The following MNS1 variants were observed in gnomAD, a reference collection of about 807,000 sequenced individuals.
MNS1 encodes the protein meiosis specific nuclear structural 1.
MNS1 carries 63 observed loss-of-function variants against 72.0 expected under a neutral mutation model. The observed-to-expected ratio is 0.87, with a 90% CI of 0.71 to 1.08. MNS1 has a LOEUF of 1.08. Ranked by LOEUF, MNS1 falls within the 50% of genes least tolerant of loss-of-function variation. The pLI is 0.00. For missense variants in MNS1, 604 were observed against 562.4 expected (o/e 1.07, Z -0.75); for synonymous variants, 188 against 172.1 (o/e 1.09, Z -0.72).
chr15:56,460,580 G>A (rs2051013858), intron 2 of MNS1, among the ~76,000 whole-genome samples: 1 of 152,110 alleles, frequency 6.6e-6, no homozygotes. Context: ...AAGATGTTAA[G>A]AAGTAGTCAG....
At chr15:56,449,500 T>C (rs1445078485) in intron 3 of MNS1, among the ~76,000 whole-genome samples, 1 of 152,236 alleles carries the variant, frequency 6.6e-6, no homozygotes, top group Admixed American at 6.5e-5. Flanking sequence ...GGATTTCGTA[T>C]TGACTAATAT....
At chr15:56,431,288 AC>A (rs2050587608) in intron 9 of MNS1, 84 bp downstream of exon 9, 16 of 1,518,136 alleles carry the variant, frequency 1.1e-5, no homozygotes, top group Non-Finnish European at 1.3e-5. Flanking sequence ...AGTGAGCAAA[AC>A]CAAGGCACTC....
At chr15:56,462,570 T>C (rs1158839581) in intron 2 of MNS1, among the ~76,000 whole-genome samples, 4 of 152,224 alleles carry the variant, frequency 2.6e-5, no homozygotes, top group Non-Finnish European at 5.9e-5. Context: ...GAATGTGGGC[T>C]ACTGGATAAA....
rs137897472 is a variant in MNS1, at chr15:56,443,790, C to T, written c.751G>A (p.Glu251Lys). The T allele has an allele frequency of 6.2e-7, 1 of 1,612,756 alleles. No individual in the cohort carries two copies. Among genetic ancestry groups the T allele is most frequent in the South Asian group, 1.1e-5 (1 of 90,878 alleles). ...MRRYIEEFQK[E>K]QALWRKKKRE... ...TTCTTTTTTCTCCAGAGAGCCTGCT[C>T]TTTCTGAAACTCTTCTATATACCTT... The change falls in exon 6 of 10, where the codon GAG becomes AAG. Residue 251 changes from glutamate (E) to lysine (K), a missense_variant. Glu to Lys is a moderately conservative substitution (Grantham distance 56). Transcript: ENST00000260453.
intron 2 of MNS1, among the ~76,000 whole-genome samples, chr15:56,459,690 G>T (rs1596268752): frequency 6.6e-6 from 1 of 152,046 alleles, no homozygotes; most frequent in South Asian, 2.1e-4. Flanking sequence ...GATTGGAGAA[G>T]AAACAATGAC....
chr15:56,452,227 G>A (rs1014164706), intron 3 of MNS1, among the ~76,000 whole-genome samples: 1 of 152,084 alleles, frequency 6.6e-6, no homozygotes, highest in East Asian at 1.9e-4. Flanking sequence ...ATAAAGAAAC[G>A]AAACACAGCA....
chr15:56,430,351 C>T lies in MNS1; in HGVS notation c.1395+1022G>A, dbSNP rs370202088. 3.9e-5 allele frequency among the ~76,000 whole-genome samples: 6 copies of T among 152,232 alleles called. 1 individual carries two copies. The highest frequency in any genetic ancestry group is 6.5e-5 in the Admixed American group (1 of 15,294). The stretch of plus-strand genomic sequence containing the variant: ...CCTCCAGAGTATCTGGGACTACAGG[C>T]GTGCATCACCACATCCAGTTAACTT... On this transcript the variant is annotated intron_variant, in intron 9 of 9. Transcript: ENST00000260453.
At chr15:56,455,896 G>T (rs2050978716) in intron 3 of MNS1, among the ~76,000 whole-genome samples, 1 of 152,152 alleles carries the variant, frequency 6.6e-6, no homozygotes. Context: ...GTTCATATAT[G>T]TGAAAGGACA....
chr15:56,434,234 T>G lies in MNS1; in HGVS notation c.1173A>C (p.Leu391Phe), dbSNP rs2050677529. The change falls in exon 8 of 10, where the codon TTA becomes TTC. Residue 391 changes from leucine (L) to phenylalanine (F), a missense_variant. By Grantham distance (22) the Leu-to-Phe change is conservative. Transcript: ENST00000260453. ...TCATTCTTTGTTTCTGAGCATTCAT[T>G]AATTCTATTCGATCATCCTCAGCAA... ...AKFAEDDRIE[L>F]MNAQKQRMKQ... 1 of 1,613,892 alleles carries G rather than the reference T, an allele frequency of 6.2e-7. No individual in the cohort carries two copies. The highest frequency in any genetic ancestry group is 1.3e-5 in the African/African-American group (1 of 74,928).
chr15:56,429,307 T>A (rs908497412), intron 9 of MNS1, 114 bp from the exon 10 acceptor site: 4 of 656,114 alleles, frequency 6.1e-6, no homozygotes, highest in Non-Finnish European at 1.0e-5. Flanking sequence ...ATGAAATCTA[T>A]TCAACAGATT....
Position 56,460,009 on chromosome 15 carries a change from A to AAAAAAAAATATATAT in MNS1, c.226-3489_226-3488insATATATATTTTTTTT. Among the ~76,000 whole-genome samples the AAAAAAAAATATATAT allele has an allele frequency of 4.2e-4, 11 of 26,386 alleles. 4 individuals carry two copies. Among genetic ancestry groups the AAAAAAAAATATATAT allele is most frequent in the Non-Finnish European group, 4.9e-4 (7 of 14,308 alleles). 17.3% of individuals were successfully genotyped at this position (26,386 alleles called of 152,430 possible). ...CTGTCTCAAAAAAAAAAAAAAAAAA[A>AAAAAAAAATATATAT]ATACATATATATATATATATATATA... On this transcript the variant is annotated intron_variant, in intron 2 of 9. Coordinates refer to ENST00000260453, the MANE Select transcript of MNS1 (RefSeq NM_018365.4).
At chr15:56,451,027 T>A (rs574785099) in intron 3 of MNS1, among the ~76,000 whole-genome samples, 9 of 152,240 alleles carry the variant, frequency 5.9e-5, no homozygotes, top group Non-Finnish European at 1.2e-4. Flanking sequence ...TCACTCAACA[T>A]CTTCTTTAGA....
intron 2 of MNS1, among the ~76,000 whole-genome samples, chr15:56,462,756 C>A (rs1490801476): frequency 6.6e-6 from 1 of 152,148 alleles, no homozygotes; most frequent in Non-Finnish European, 1.5e-5. Context: ...ATTTTTGACA[C>A]AATCACAGAA....
chr15:56,448,164 A>G (rs1364249162), intron 3 of MNS1, among the ~76,000 whole-genome samples: 1 of 152,178 alleles, frequency 6.6e-6, no homozygotes, highest in Admixed American at 6.5e-5. Context: ...ATAAATACCT[A>G]AGGTGGAATG....
chr15:56,440,437 C>T (rs1418822477), intron 7 of MNS1, among the ~76,000 whole-genome samples: 1 of 152,134 alleles, frequency 6.6e-6, no homozygotes, highest in Non-Finnish European at 1.5e-5. Context: ...ATGCAGTTAC[C>T]ACAAAACCCA....
intron 3 of MNS1, among the ~76,000 whole-genome samples, chr15:56,453,263 G>A (rs1208300160): frequency 6.6e-6 from 1 of 152,000 alleles, no homozygotes; most frequent in African/African-American, 2.4e-5. Flanking sequence ...TACTATACAT[G>A]TACCTCTTGC....
rs77032127 is a variant in MNS1 at position 56,434,970 on chromosome 15, T to G, written c.1012-575A>C. Among the ~76,000 whole-genome samples, 58 of 152,236 alleles carry G rather than the reference T, an allele frequency of 3.8e-4. No individual in the cohort carries two copies. The East Asian group carries it at 0.011, about 29-fold the overall frequency. The stretch of plus-strand genomic sequence containing the variant: ...AACAGTTAAGTCCTTTCCTATAAGC[T>G]TTTATTTTCTGAACATTTTATTATG... On this transcript the variant is annotated intron_variant, in intron 7 of 9. Transcript: ENST00000260453.
At chr15:56,458,761 C>T (rs183833112) in intron 2 of MNS1, among the ~76,000 whole-genome samples, 80 of 152,240 alleles carry the variant, frequency 5.3e-4, no homozygotes, top group Non-Finnish European at 7.4e-5. Flanking sequence ...TAAAGTTCCT[C>T]CACATCTTTT....
rs1331190338 is a variant in MNS1 at position 56,465,073 on chromosome 15, C to T, written c.-101G>A. On this transcript the variant is annotated 5_prime_UTR_variant, in exon 1 of 10. Coordinates refer to ENST00000260453, the MANE Select transcript of MNS1 (RefSeq NM_018365.4). The stretch of plus-strand genomic sequence containing the variant: ...CCCAAGGAGCGCACCTGGCTGCGCG[C>T]GCTCGGGTGTTTACGCGGCGTCTTG... 18 of 1,514,082 alleles carry T rather than the reference C, an allele frequency of 1.2e-5. No individual in the cohort carries two copies. The highest frequency in any genetic ancestry group is 1.6e-5 in the Non-Finnish European group (18 of 1,118,934). 93.8% of individuals were successfully genotyped at this position (1,514,082 alleles called of 1,614,324 possible). A position where few individuals can be genotyped will look rare whatever the true frequency, so the allele number is the denominator to read the frequency against.
Sources: gnomAD v4.1 joint callset for allele counts (sites outside exome capture counted in the v4.1 genomes callset) on GRCh38, gnomAD v4.1.1 for gene constraint, MANE v1.5 for transcripts, NCBI Gene and HGNC (gene_info 2026-07-23, HGNC 2026-07-21) for gene names.